The following SRC variants were observed in gnomAD, a reference collection of about 807,000 sequenced individuals.
SRC encodes the protein proto-oncogene tyrosine-protein kinase Src.
SRC carries 13 observed loss-of-function variants against 62.9 expected under a neutral mutation model. The ratio of observed to expected loss-of-function variants is 0.21; its 90% CI spans 0.13 to 0.33. The LOEUF (loss-of-function observed/expected upper bound fraction) is 0.33, where lower values mean the gene tolerates loss of function less well. Ranked by LOEUF, SRC falls within the 10% of genes least tolerant of loss-of-function variation. The pLI is 1.00. For missense variants in SRC, 457 were observed against 737.3 expected (o/e 0.62, Z 4.40); for synonymous variants, 302 against 317.5 (o/e 0.95, Z 0.52).
intron 4 of SRC, among the ~76,000 whole-genome samples, chr20:37,385,080 G>T (rs1056146565): frequency 4.6e-5 from 7 of 152,200 alleles, no homozygotes; most frequent in Admixed American, 4.6e-4. Flanking sequence ...CATCCCCAAC[G>T]CAGATGTACC....
Position 37,396,069 on chromosome 20 carries a change from C to T in SRC, c.554-93C>T. On this transcript the variant is annotated intron_variant, in intron 7 of 13. Coordinates refer to ENST00000373578, the MANE Select transcript of SRC (RefSeq NM_198291.3). The surrounding 1 kb of genome is among the most constrained non-coding windows in gnomAD (Gnocchi z 6.1). ...GGGGCCCCGCCTGGGCCTCCCTTCC[C>T]TCCAATGTCAGGCAGGCACAGAACG... 6.5e-7 allele frequency: 1 copy of T among 1,526,944 alleles called. No individual in the cohort carries two copies. Among genetic ancestry groups the T allele is most frequent in the Non-Finnish European group, 8.8e-7 (1 of 1,135,534 alleles). 94.6% of individuals were successfully genotyped at this position (1,526,944 alleles called of 1,614,324 possible).
intron 7 of SRC, among the ~76,000 whole-genome samples, chr20:37,395,169 C>A (rs2070622157): frequency 6.6e-6 from 1 of 152,216 alleles, no homozygotes; most frequent in African/African-American, 2.4e-5. Context: ...CTTTGAGTCC[C>A]CGGATGTGGG....
At chr20:37,393,618 T>C (rs532112148) in intron 5 of SRC, 10 of 307,512 alleles carry the variant, frequency 3.3e-5, no homozygotes, top group Admixed American at 2.1e-4. Context: ...TCCTCCCCTA[T>C]GGATTTGAGC....
chr20:37,360,337 C>T (rs972134838), intron 1 of SRC, among the ~76,000 whole-genome samples: 1 of 150,858 alleles, frequency 6.6e-6, no homozygotes, highest in South Asian at 2.1e-4. Context: ...GATCCTTCCA[C>T]CTCAGCCTCC....
chr20:37,388,825 G>A (rs1601003649), intron 5 of SRC, among the ~76,000 whole-genome samples: 1 of 151,278 alleles, frequency 6.6e-6, no homozygotes, highest in East Asian at 1.9e-4. Flanking sequence ...GATTTGGGGG[G>A]CGGGGCTTGG....
At chr20:37,401,462 TTTATTCAGAGATGAG>T (rs2070736433) in intron 10 of SRC, 125 bp from the exon 11 acceptor site, 6 of 618,930 alleles carry the variant, frequency 9.7e-6, no homozygotes, top group Non-Finnish European at 1.7e-5. Flanking sequence ...TGAGTGAGAC[TTTATTCAGAGATGAG>T]TTTACGTAAA....
chr20:37,352,065 A>G (rs2094007390), intron 1 of SRC, among the ~76,000 whole-genome samples: 1 of 152,212 alleles, frequency 6.6e-6, no homozygotes, highest in Non-Finnish European at 1.5e-5. Context: ...GAAGTAGCAA[A>G]GCCTTTGAAG....
intron 2 of SRC, among the ~76,000 whole-genome samples, chr20:37,377,730 T>C (rs2070299448): frequency 6.6e-6 from 1 of 152,224 alleles, no homozygotes; most frequent in Admixed American, 6.5e-5. Flanking sequence ...ATTGTCACTT[T>C]AGAAAATCAT....
At chr20:37,350,392 G>A (rs943602054) in intron 1 of SRC, among the ~76,000 whole-genome samples, 1 of 152,234 alleles carries the variant, frequency 6.6e-6, no homozygotes, top group African/African-American at 2.4e-5. Context: ...GCCCTGTCCT[G>A]TGATTCAGTT....
chr20:37,374,673 T>G (rs6018128), intron 2 of SRC, among the ~76,000 whole-genome samples: 1 of 149,600 alleles, frequency 6.7e-6, no homozygotes, highest in African/African-American at 2.5e-5. Context: ...CTCCCAGGTT[T>G]AAGCGACTCT....
At chr20:37,383,898 A>AT (rs59004959) in intron 3 of SRC, among the ~76,000 whole-genome samples, 25,467 of 139,658 alleles carry the variant, frequency 0.18, 4,467 homozygotes, top group African/African-American at 0.47. Flanking sequence ...TGCCCGGCTA[A>AT]TTTTTTTTTT....
chr20:37,349,467 G>A (rs1421674801), intron 1 of SRC, among the ~76,000 whole-genome samples: 1 of 152,186 alleles, frequency 6.6e-6, no homozygotes, highest in Admixed American at 6.5e-5. Context: ...GTGTGTCTTT[G>A]GATCATTTAC....
At chr20:37,359,785 C>A (rs563636882) in intron 1 of SRC, among the ~76,000 whole-genome samples, 3 of 152,174 alleles carry the variant, frequency 2.0e-5, no homozygotes, top group Non-Finnish European at 2.9e-5. Context: ...GTGTGAAGAG[C>A]AGACTGGGGG....
chr20:37,395,447 C>T (rs1421509492), intron 7 of SRC, among the ~76,000 whole-genome samples: 1 of 152,254 alleles, frequency 6.6e-6, no homozygotes, highest in African/African-American at 2.4e-5. Flanking sequence ...GTCTCTTGGC[C>T]TCTGGTCCTA....
At chr20:37,372,031 C>T (rs1373424877) in intron 2 of SRC, among the ~76,000 whole-genome samples, 1 of 151,950 alleles carries the variant, frequency 6.6e-6, no homozygotes, top group East Asian at 1.9e-4. Context: ...GGGTCTCGCT[C>T]TGTTGCCCAG....
chr20:37,357,703 AG>A (rs2069904264), intron 1 of SRC, among the ~76,000 whole-genome samples: 4 of 152,216 alleles, frequency 2.6e-5, no homozygotes, highest in African/African-American at 9.7e-5. Context: ...GCTTTCTGTG[AG>A]GAAGTGGCTT....
chr20:37,387,816 C>G (rs1028293909), intron 5 of SRC, among the ~76,000 whole-genome samples: 4 of 152,234 alleles, frequency 2.6e-5, no homozygotes, highest in African/African-American at 9.6e-5. Context: ...TTCTTGTGCT[C>G]TCTGTGTGAG....
chr20:37,396,398 G>A lies in SRC; in HGVS notation c.703+87G>A. The A allele has an allele frequency of 6.6e-7, 1 of 1,507,818 alleles. No homozygotes were observed. Among genetic ancestry groups the A allele is most frequent in the East Asian group, 2.3e-5 (1 of 43,760 alleles). The allele number at this position is 1,507,818 out of a possible 1,614,324, so 93.4% of individuals were successfully genotyped here. Reference sequence around the variant, plus strand: ...GGGGCCTTGGAGCCTAGAAGGGTGGGGACTTCTGTTATCCTGCTTCTCTCC... The same window carrying A: ...GGGGCCTTGGAGCCTAGAAGGGTGGAGACTTCTGTTATCCTGCTTCTCTCC... On this transcript the variant is annotated intron_variant, in intron 8 of 13. Coordinates refer to ENST00000373578, the MANE Select transcript of SRC (RefSeq NM_198291.3). The surrounding 1 kb of genome is among the most constrained non-coding windows in gnomAD (Gnocchi z 6.1).
intron 2 of SRC, among the ~76,000 whole-genome samples, chr20:37,365,731 C>T (rs1388277062): frequency 6.6e-6 from 1 of 152,206 alleles, no homozygotes; most frequent in African/African-American, 2.4e-5. Context: ...ACTGCAGGCA[C>T]ATGCACCACA....
Sources: allele counts gnomAD v4.1 joint callset (sites outside exome capture counted in the v4.1 genomes callset), GRCh38; gene constraint gnomAD v4.1.1; non-coding constraint Gnocchi (gnomAD v3.1); transcripts MANE v1.5; gene names NCBI Gene and HGNC (gene_info 2026-07-23, HGNC 2026-07-21).